ZNF783: variants seen among roughly 807,000 people sequenced by gnomAD.
ZNF783 encodes zinc finger protein 783.
Under a neutral mutation model 31.3 loss-of-function variants are expected in ZNF783, and 25 were observed. The ratio of observed to expected loss-of-function variants is 0.80; its 90% CI spans 0.58 to 1.11. ZNF783 has a LOEUF of 1.11. Ranked by LOEUF, ZNF783 falls within the 50% of genes most tolerant of loss-of-function variation. ZNF783 has a pLI of 0.00. For synonymous variants in ZNF783, 369 were observed against 319.1 expected, an observed-to-expected ratio of 1.16 and a Z score of -1.66; for missense variants, 797 against 760.0, an observed-to-expected ratio of 1.05 and a Z score of -0.57.
At position 149,266,821 on chromosome 7, in the gene ZNF783, G is replaced by A; in HGVS notation, c.423G>A (p.Val141=). 1 of 1,614,072 alleles carries A rather than the reference G, an allele frequency of 6.2e-7. No homozygotes were observed. The highest frequency in any genetic ancestry group is 8.5e-7 in the Non-Finnish European group (1 of 1,180,038). The change falls in exon 3 of 6, where the codon GTG becomes GTA. Residue 141 remains valine (V), a splice_region_variant and synonymous_variant. Coordinates refer to ENST00000434415, the MANE Select transcript of ZNF783 (RefSeq NM_001195220.2). The part of the protein sequence containing the change: ...PPGSKGEAPK[V]PVTFDDVAVY... ...GAGTGCGACACTTATGGTTCCAGGT[G>A]CCCGTGACCTTCGATGATGTGGCCG...
rs1323682031 is a variant in ZNF783, at chr7:149,283,671, T to C, written c.*1328T>C. On this transcript the variant is annotated 3_prime_UTR_variant, in exon 6 of 6. Transcript: ENST00000434415. ...GAGTTCTCCCTTGAGCACTTTGGGC[T>C]CTGGGGCAGAGTTGGGCTAGGAGAT... 2 of 152,226 alleles carry C rather than the reference T, an allele frequency of 1.3e-5. No individual in the cohort carries two copies. Among genetic ancestry groups the C allele is most frequent in the Non-Finnish European group, 2.9e-5 (2 of 68,054 alleles). The allele number at this position is 152,226 out of a possible 1,614,324, so 9.4% of individuals were successfully genotyped here.
chr7:149,275,373 C>T (rs923710705), intron 4 of ZNF783, among the ~76,000 whole-genome samples: 20 of 150,766 alleles, frequency 1.3e-4, no homozygotes, highest in Admixed American at 9.9e-4. Context: ...AGTGCAGTGG[C>T]GCGATCTTGG....
chr7:149,282,458 A>G lies in ZNF783; in HGVS notation c.*115A>G. ...GTTGTTTTTACCCATTCAAATGGGAAGCTAGCTGCCCTTCTGGTGACATTG... is the reference window on the plus strand; with the variant it reads ...GTTGTTTTTACCCATTCAAATGGGAGGCTAGCTGCCCTTCTGGTGACATTG... On this transcript the variant is annotated 3_prime_UTR_variant, in exon 6 of 6. Transcript: ENST00000434415. 1.1e-6 allele frequency: 1 copy of G among 944,236 alleles called. No individual in the cohort carries two copies. The highest frequency in any genetic ancestry group is 2.8e-5 in the East Asian group (1 of 36,238). 58.5% of individuals were successfully genotyped at this position (944,236 alleles called of 1,614,324 possible).
At chr7:149,269,736 T>C (rs909189215) in intron 4 of ZNF783, among the ~76,000 whole-genome samples, 2 of 152,158 alleles carry the variant, frequency 1.3e-5, no homozygotes, top group Non-Finnish European at 2.9e-5. Context: ...TTGTTACATA[T>C]GTATACATGT....
intron 1 of ZNF783, among the ~76,000 whole-genome samples, chr7:149,263,570 C>T (rs1420167746): frequency 6.6e-6 from 1 of 152,034 alleles, no homozygotes; most frequent in African/African-American, 2.4e-5. Flanking sequence ...TATTCCTATA[C>T]AGAATTTTTC....
Position 149,272,551 on chromosome 7 carries a change from G to A in ZNF783, c.673+5329G>A, listed in dbSNP as rs181051425. ...GTTTTAATGGCACCTCTCTTACTGA[G>A]TGTGGATGAGTTTTTTTTTTCCTTT... On this transcript the variant is annotated intron_variant, in intron 4 of 5. Transcript: ENST00000434415. Among the ~76,000 whole-genome samples the A allele has an allele frequency of 2.3e-3, 354 of 152,046 alleles. 1 individual carries two copies. The highest frequency in any genetic ancestry group is 7.5e-3 in the African/African-American group (310 of 41,482).
At chr7:149,265,355 T>TA (rs35813117) in intron 1 of ZNF783, among the ~76,000 whole-genome samples, 7 of 151,670 alleles carry the variant, frequency 4.6e-5, no homozygotes, top group East Asian at 1.9e-4. Flanking sequence ...AGGTGGAGGT[T>TA]AAAAAAAAGG....
intron 5 of ZNF783, among the ~76,000 whole-genome samples, chr7:149,278,870 C>A (rs1797393642): frequency 6.6e-6 from 1 of 152,106 alleles, no homozygotes; most frequent in African/African-American, 2.4e-5. Context: ...ATCCACGGGG[C>A]AGTGTGTGTC....
intron 4 of ZNF783, chr7:149,278,148 C>T (rs955152400): frequency 2.5e-5 from 32 of 1,258,436 alleles, no homozygotes; most frequent in Non-Finnish European, 3.1e-5. Context: ...TCTGTCATGA[C>T]CTGCCTGGCG....
In ZNF783 at chr7:149,283,897, T is replaced by A. The variant is rs558373481; in HGVS notation, c.*1554T>A. ...AGCCTTTTTTTCCTGTCAGAATCCC[T>A]CAGGAAGGACCTTTATCTTCTGGAG... On this transcript the variant is annotated 3_prime_UTR_variant, in exon 6 of 6. Transcript: ENST00000434415. 6.6e-6 allele frequency: 1 copy of A among 152,366 alleles called. No homozygotes were observed. The highest frequency in any genetic ancestry group is 1.5e-5 in the Non-Finnish European group (1 of 68,042). The allele number at this position is 152,366 out of a possible 1,614,324, so 9.4% of individuals were successfully genotyped here.
rs1210197480 is a variant in ZNF783 at position 149,283,855 on chromosome 7, C to T, written c.*1512C>T. 1 of 152,234 alleles carries T rather than the reference C, an allele frequency of 6.6e-6. No individual in the cohort carries two copies. The highest frequency in any genetic ancestry group is 1.5e-5 in the Non-Finnish European group (1 of 68,056). The allele number at this position is 152,234 out of a possible 1,614,324, so 9.4% of individuals were successfully genotyped here. ...GTGCTTCCTTTCAAATTCAGGGCCT[C>T]CTTTCTACTCCATTCCAGCCTTTTT... On this transcript the variant is annotated 3_prime_UTR_variant, in exon 6 of 6. Coordinates refer to ENST00000434415, the MANE Select transcript of ZNF783 (RefSeq NM_001195220.2).
At chr7:149,278,564 T>C (rs1174255616) in intron 5 of ZNF783, 37 bp downstream of exon 5, 1 of 1,597,706 alleles carries the variant, frequency 6.3e-7, no homozygotes, top group Non-Finnish European at 8.5e-7. Flanking sequence ...ATGAACAGTG[T>C]CCCGAGGCAG....
chr7:149,262,286 G>C lies in ZNF783; in HGVS notation c.-48G>C, dbSNP rs1174025411. 3 of 1,339,412 alleles carry C rather than the reference G, an allele frequency of 2.2e-6. No homozygotes were observed. The highest frequency in any genetic ancestry group is 2.9e-6 in the Non-Finnish European group (3 of 1,042,694). 83.0% of individuals were successfully genotyped at this position (1,339,412 alleles called of 1,614,324 possible). On this transcript the variant is annotated 5_prime_UTR_variant, in exon 1 of 6. Transcript: ENST00000434415. ...GTCGCTGCCGCGCCGCCCCGGGCCCGACAGGCCGGGTCCAGGGACTGCAAC... is the reference window on the plus strand; with the variant it reads ...GTCGCTGCCGCGCCGCCCCGGGCCCCACAGGCCGGGTCCAGGGACTGCAAC...
rs1797475113 is a variant in ZNF783, at chr7:149,281,770, G to C, written c.1068G>C (p.Gln356His). 1 of 1,504,134 alleles carries C rather than the reference G, an allele frequency of 6.6e-7. No homozygotes were observed. Among genetic ancestry groups the C allele is most frequent in the African/African-American group, 1.4e-5 (1 of 71,082 alleles). 93.2% of individuals were successfully genotyped at this position (1,504,134 alleles called of 1,614,324 possible). ...QRAFPCPDCG[Q>H]SFRLKINLTI... ...CATTCCCCTGCCCCGACTGCGGGCA[G>C]AGCTTCCGCCTGAAGATCAATCTGA... The change falls in exon 6 of 6, where the codon CAG (glutamine) becomes CAC (histidine). Residue 356 changes from glutamine (Q) to histidine (H), a missense_variant. Gln to His is a conservative substitution (Grantham distance 24, BLOSUM62 0). Transcript: ENST00000434415.
At position 149,281,714 on chromosome 7, in the gene ZNF783, C is replaced by T; in HGVS notation, c.1012C>T (p.Pro338Ser). 1 of 1,487,858 alleles carries T rather than the reference C, an allele frequency of 6.7e-7. No individual in the cohort carries two copies. Among genetic ancestry groups the T allele is most frequent in the Non-Finnish European group, 8.9e-7 (1 of 1,128,456 alleles). 92.2% of individuals were successfully genotyped at this position (1,487,858 alleles called of 1,614,324 possible). A position where few individuals can be genotyped will look rare whatever the true frequency, so the allele number is the denominator to read the frequency against. Reference protein sequence around the residue: ...PRPPGASGETPRVLSRRRQRA... With the variant: ...PRPPGASGETSRVLSRRRQRA... Reference sequence around the variant, plus strand: ...GCCACCGGGGGCCAGTGGGGAGACGCCCCGAGTCCTCTCCCGCAGGCGGCA... The same window carrying T: ...GCCACCGGGGGCCAGTGGGGAGACGTCCCGAGTCCTCTCCCGCAGGCGGCA... The change falls in exon 6 of 6, where the codon CCC becomes TCC. Residue 338 changes from proline (P) to serine (S), a missense_variant. Transcript: ENST00000434415.
At chr7:149,268,315 G>A (rs1797134713) in intron 4 of ZNF783, among the ~76,000 whole-genome samples, 1 of 151,830 alleles carries the variant, frequency 6.6e-6, no homozygotes, top group South Asian at 2.1e-4. Context: ...ATGGGTCTTT[G>A]GATCCTAATT....
chr7:149,263,711 G>T (rs2129524685), intron 1 of ZNF783, among the ~76,000 whole-genome samples: 1 of 152,148 alleles, frequency 6.6e-6, no homozygotes, highest in African/African-American at 2.4e-5. Context: ...TAATCCTTTG[G>T]CCATTTTTGA....
Position 149,269,049 on chromosome 7 carries a change from C to G in ZNF783, c.673+1827C>G, listed in dbSNP as rs887906719. ...CTGCTTTCCACAGTGGCTGAACTAA[C>G]TTACATTCCCATCAACAGTGTATAG... On this transcript the variant is annotated intron_variant, in intron 4 of 5. Transcript: ENST00000434415. 5.3e-5 allele frequency among the ~76,000 whole-genome samples: 8 copies of G among 152,300 alleles called. No homozygotes were observed. In the South Asian group the frequency reaches 1.7e-3, roughly 32 times the overall value.
Position 149,266,801 on chromosome 7 carries a change from C to G in ZNF783, c.421-18C>G, listed in dbSNP as rs760441812. The G allele has an allele frequency of 6.2e-7, 1 of 1,613,780 alleles. No homozygotes were observed. The highest frequency in any genetic ancestry group is 1.1e-5 in the South Asian group (1 of 91,082). On this transcript the variant is annotated intron_variant, in intron 2 of 5. Coordinates refer to ENST00000434415, the MANE Select transcript of ZNF783 (RefSeq NM_001195220.2). ...CTGTGAGCGTGTGGGTGAGTGAGTG[C>G]GACACTTATGGTTCCAGGTGCCCGT... is the stretch of plus-strand genomic sequence containing the variant.
Sources: allele counts gnomAD v4.1 joint callset (sites outside exome capture counted in the v4.1 genomes callset), GRCh38; gene constraint gnomAD v4.1.1; transcripts MANE v1.5; gene names NCBI Gene and HGNC (gene_info 2026-07-23, HGNC 2026-07-21).